The following FMNL2 variants were observed in gnomAD, a reference collection of about 807,000 sequenced individuals.
The protein encoded by FMNL2 is formin like 2, also known as formin-like protein 2.
Under a neutral mutation model 130.2 loss-of-function variants are expected in FMNL2, and 51 were observed. The ratio of observed to expected loss-of-function variants is 0.39; its 90% confidence interval spans 0.31 to 0.49. FMNL2 has a LOEUF of 0.49. Ranked by LOEUF, FMNL2 falls within the 20% of genes least tolerant of loss-of-function variation. The pLI is 0.85. For missense variants in FMNL2, 977 were observed against 1,316.2 expected (o/e 0.74, Z 3.99); for synonymous variants, 465 against 467.1 (o/e 1.00, Z 0.06).
In FMNL2 at chr2:152,628,258, G is replaced by T. The variant is rs1429917996; in HGVS notation, c.2166-41G>T. On this transcript the variant is annotated intron_variant, in intron 17 of 25. Coordinates refer to ENST00000288670, the MANE Select transcript of FMNL2 (RefSeq NM_052905.4). ...GATGAACTTGAAAAGGGGGTAGGAGGTTTTTCTCTCTAATGCTAATCTCTC... is the reference window on the plus strand; with the variant it reads ...GATGAACTTGAAAAGGGGGTAGGAGTTTTTTCTCTCTAATGCTAATCTCTC... 2.5e-6 allele frequency: 4 copies of T among 1,571,422 alleles called. No individual in the cohort carries two copies. In the South Asian group the frequency reaches 4.4e-5, roughly 17 times the overall value.
chr2:152,373,937 G>T (rs1684028482), intron 1 of FMNL2, among the ~76,000 whole-genome samples: 1 of 152,002 alleles, frequency 6.6e-6, no homozygotes, highest in African/African-American at 2.4e-5. Context: ...TTGAGAAGAG[G>T]CTAGGAGGTG....
chr2:152,453,040 AAAAAT>A, intron 1 of FMNL2, among the ~76,000 whole-genome samples: 1 of 152,174 alleles, frequency 6.6e-6, no homozygotes, highest in East Asian at 1.9e-4. Flanking sequence ...TGTCTCTACT[AAAAAT>A]ACAAAAATTA....
At chr2:152,614,558 C>T (rs574449589) in intron 11 of FMNL2, among the ~76,000 whole-genome samples, 1 of 152,180 alleles carries the variant, frequency 6.6e-6, no homozygotes, top group African/African-American at 2.4e-5. Context: ...TCCTGGCCAA[C>T]AGGGTGAAAC....
At chr2:152,624,947 G>A (rs1194069158) in intron 15 of FMNL2, among the ~76,000 whole-genome samples, 2 of 152,176 alleles carry the variant, frequency 1.3e-5, no homozygotes, top group Non-Finnish European at 2.9e-5. Flanking sequence ...TCATGACGTT[G>A]TACTTCTGGT....
chr2:152,498,115 C>CT (rs879598028), intron 1 of FMNL2, among the ~76,000 whole-genome samples: 4 of 152,146 alleles, frequency 2.6e-5, no homozygotes, highest in African/African-American at 4.8e-5. Context: ...ATAATGTAAC[C>CT]TAATCATGGG....
chr2:152,466,850 G>A (rs1689573570), intron 1 of FMNL2, among the ~76,000 whole-genome samples: 1 of 152,124 alleles, frequency 6.6e-6, no homozygotes. Flanking sequence ...TGCTGTGAGT[G>A]GGATGCCAGC....
intron 1 of FMNL2, among the ~76,000 whole-genome samples, chr2:152,379,875 C>T (rs1460914663): frequency 6.6e-6 from 1 of 152,152 alleles, no homozygotes; most frequent in Non-Finnish European, 1.5e-5. Flanking sequence ...AGTCTGCTTT[C>T]TGTAGTCATA....
At chr2:152,420,009 A>T (rs951238829) in intron 1 of FMNL2, among the ~76,000 whole-genome samples, 40 of 152,198 alleles carry the variant, frequency 2.6e-4, no homozygotes, top group African/African-American at 8.7e-4. Context: ...AAAAACTTGG[A>T]AAGGGATAGG....
chr2:152,518,170 T>C (rs1363926658), intron 1 of FMNL2, among the ~76,000 whole-genome samples: 1 of 152,216 alleles, frequency 6.6e-6, no homozygotes, highest in Non-Finnish European at 1.5e-5. Flanking sequence ...TTAAAGGCAG[T>C]TATTACCAGC....
chr2:152,373,275 A>G (rs1355140629), intron 1 of FMNL2, among the ~76,000 whole-genome samples: 14 of 152,172 alleles, frequency 9.2e-5, no homozygotes, highest in Admixed American at 7.9e-4. Context: ...TGGGCATTTA[A>G]TGGTATGGGT....
chr2:152,550,846 G>C (rs1457747248), intron 4 of FMNL2, among the ~76,000 whole-genome samples: 2 of 152,100 alleles, frequency 1.3e-5, no homozygotes, highest in East Asian at 3.9e-4. Context: ...TTGTCAAAAA[G>C]CATTTCTTAG....
Position 152,637,674 on chromosome 2 carries a change from G to T in FMNL2, c.2946G>T (p.Lys982Asn). Residue 982 changes from lysine to asparagine, a missense_variant and splice_region_variant, in exon 23 of 26, where the codon AAG becomes AAT. Transcript: ENST00000288670. ...PVFVRFVKAY[K>N]QAEEENELRK... ...TTGTCCGGTTTGTGAAAGCATATAA[G>T]GTATATGTTAAGGCCCTCCTTGCCC... The T allele has an allele frequency of 6.2e-7, 1 of 1,613,526 alleles. No individual in the cohort carries two copies. The highest frequency in any genetic ancestry group is 8.5e-7 in the Non-Finnish European group (1 of 1,179,496).
intron 9 of FMNL2, among the ~76,000 whole-genome samples, chr2:152,590,173 AC>A: frequency 6.6e-6 from 1 of 151,240 alleles, no homozygotes; most frequent in Non-Finnish European, 1.5e-5. Context: ...AGTGTGGGCC[AC>A]CATGTCTGGC....
At position 152,545,184 on chromosome 2, in the gene FMNL2, A is replaced by T. The variant is rs537284356; in HGVS notation, c.282+2365A>T. On this transcript the variant is annotated intron_variant, in intron 3 of 25. Coordinates refer to ENST00000288670, the MANE Select transcript of FMNL2 (RefSeq NM_052905.4). The stretch of plus-strand genomic sequence containing the variant: ...TCCACACAACATAATTGTAATGCTT[A>T]AAGCCTGGAAAAAAAGGAGATTTGT... Among the ~76,000 whole-genome samples, 3 of 152,310 alleles carry T rather than the reference A, an allele frequency of 2.0e-5. No individual in the cohort carries two copies. In the South Asian group the frequency reaches 6.2e-4, roughly 32 times the overall value.
chr2:152,456,208 C>A (rs1042681780), intron 1 of FMNL2, among the ~76,000 whole-genome samples: 2 of 152,182 alleles, frequency 1.3e-5, no homozygotes, highest in African/African-American at 4.8e-5. Context: ...ATCAAATTTT[C>A]TTTCCAACTA....
chr2:152,427,172 A>C (rs1408122821), intron 1 of FMNL2, among the ~76,000 whole-genome samples: 2 of 152,210 alleles, frequency 1.3e-5, no homozygotes, highest in Non-Finnish European at 2.9e-5. Context: ...AGTGCTAGTA[A>C]CCCCTGAGTC....
intron 16 of FMNL2, 43 bp from the exon 17 acceptor site, chr2:152,626,482 T>A (rs1681793206): frequency 1.3e-6 from 2 of 1,515,720 alleles, no homozygotes; most frequent in Admixed American, 2.1e-5. Flanking sequence ...ACTTCATTTT[T>A]AAATATAATC....
chr2:152,392,962 G>A (rs771336849), intron 1 of FMNL2, among the ~76,000 whole-genome samples: 2 of 152,120 alleles, frequency 1.3e-5, no homozygotes, highest in African/African-American at 2.4e-5. Flanking sequence ...GTCAGTGACT[G>A]TGTCCCACCA....
At chr2:152,602,234 C>A (rs1698117776) in intron 9 of FMNL2, among the ~76,000 whole-genome samples, 1 of 152,164 alleles carries the variant, frequency 6.6e-6, no homozygotes, top group Non-Finnish European at 1.5e-5. Flanking sequence ...AGACTGAAGT[C>A]TCTGGTCCAG....
Sources: gnomAD v4.1 joint callset for allele counts (sites outside exome capture counted in the v4.1 genomes callset) on GRCh38, gnomAD v4.1.1 for gene constraint, MANE v1.5 for transcripts, NCBI Gene and HGNC (gene_info 2026-07-23, HGNC 2026-07-21) for gene names.